The following CACNB4 variants were observed in gnomAD, a reference collection of about 807,000 sequenced individuals.
CACNB4 encodes the protein voltage-dependent L-type calcium channel subunit beta-4.
Under a neutral mutation model 71.2 loss-of-function variants are expected in CACNB4, and 32 were observed. The observed-to-expected ratio is 0.45, with a 90% CI of 0.34 to 0.60. The LOEUF (loss-of-function observed/expected upper bound fraction) is 0.60, where lower values mean the gene tolerates loss of function less well. CACNB4 is among the 20% of genes least tolerant of loss of function. CACNB4 has a pLI of 0.01. For missense variants in CACNB4, 464 were observed against 647.9 expected, an observed-to-expected ratio of 0.72 and a Z score of 3.08; for synonymous variants, 231 against 236.9, an observed-to-expected ratio of 0.97 and a Z score of 0.23.
chr2:151,907,851 G>A (rs969151781), intron 2 of CACNB4, among the ~76,000 whole-genome samples: 1 of 152,168 alleles, frequency 6.6e-6, no homozygotes, highest in African/African-American at 2.4e-5. Flanking sequence ...CCTCATGTGG[G>A]CTGAGAATAT....
chr2:152,085,240 A>C (rs1687592812), intron 2 of CACNB4, among the ~76,000 whole-genome samples: 1 of 151,988 alleles, frequency 6.6e-6, no homozygotes, highest in South Asian at 2.1e-4. Flanking sequence ...GAAGGGGAAC[A>C]CACTGGCATG....
At chr2:151,920,090 C>T (rs564703924) in intron 2 of CACNB4, among the ~76,000 whole-genome samples, 1 of 151,814 alleles carries the variant, frequency 6.6e-6, no homozygotes, top group Non-Finnish European at 1.5e-5. Flanking sequence ...AAGTGTCACA[C>T]CAATTTAGAA....
chr2:151,928,073 A>T (rs188056878), intron 2 of CACNB4, among the ~76,000 whole-genome samples: 280 of 152,328 alleles, frequency 1.8e-3, no homozygotes, highest in Middle Eastern at 0.01. Flanking sequence ...AGGGCTGCAC[A>T]TCAGAGAGAA....
At chr2:151,893,635 A>G (rs1003639939) in intron 2 of CACNB4, among the ~76,000 whole-genome samples, 1 of 152,166 alleles carries the variant, frequency 6.6e-6, no homozygotes, top group Non-Finnish European at 1.5e-5. Context: ...ATATATGTAT[A>G]TAAACACACC....
At chr2:151,930,057 G>A (rs981864566) in intron 2 of CACNB4, among the ~76,000 whole-genome samples, 32 of 152,134 alleles carry the variant, frequency 2.1e-4, no homozygotes, top group African/African-American at 6.7e-4. Flanking sequence ...AAAACTGTCA[G>A]GAAAAAATAA....
At chr2:151,945,025 G>A (rs1029056676) in intron 2 of CACNB4, among the ~76,000 whole-genome samples, 4 of 152,186 alleles carry the variant, frequency 2.6e-5, no homozygotes, top group African/African-American at 9.7e-5. Flanking sequence ...CACAGGAGAT[G>A]GGGTAGGGGT....
intron 2 of CACNB4, among the ~76,000 whole-genome samples, chr2:152,013,938 G>T (rs1034496271): frequency 6.6e-6 from 1 of 152,204 alleles, no homozygotes; most frequent in African/African-American, 2.4e-5. Context: ...CATCTGTTCT[G>T]CAGGTCAGTT....
At chr2:152,066,672 C>G (rs560783662) in intron 2 of CACNB4, among the ~76,000 whole-genome samples, 1 of 150,618 alleles carries the variant, frequency 6.6e-6, no homozygotes, top group Admixed American at 6.8e-5. Flanking sequence ...ATAAATCATG[C>G]TGCTATAAAG....
intron 2 of CACNB4, among the ~76,000 whole-genome samples, chr2:152,081,054 T>A (rs1272768841): frequency 6.6e-6 from 1 of 152,224 alleles, no homozygotes; most frequent in Non-Finnish European, 1.5e-5. Context: ...CTATTTTCTT[T>A]ATAAGTTACC....
intron 6 of CACNB4, chr2:151,871,697 T>C (rs1481680905): frequency 6.6e-6 from 1 of 152,590 alleles, no homozygotes; most frequent in African/African-American, 2.4e-5. Context: ...TAGGCCAGAA[T>C]AGGGCCTTGG....
chr2:151,878,857 G>A (rs775768549), intron 4 of CACNB4, among the ~76,000 whole-genome samples: 2 of 152,092 alleles, frequency 1.3e-5, no homozygotes, highest in Non-Finnish European at 2.9e-5. Flanking sequence ...ACAGCAGTGA[G>A]CTGTGATTGC....
chr2:151,919,850 A>AAAC (rs369127085), intron 2 of CACNB4, among the ~76,000 whole-genome samples: 3,287 of 152,182 alleles, frequency 0.022, 112 homozygotes, highest in African/African-American at 0.075. Flanking sequence ...ACAAACAAAC[A>AAAC]AACAACAACA....
chr2:152,025,414 C>T (rs1176485554), intron 2 of CACNB4, among the ~76,000 whole-genome samples: 1 of 152,204 alleles, frequency 6.6e-6, no homozygotes, highest in Admixed American at 6.5e-5. Flanking sequence ...CTTCAGACAA[C>T]CTTATTCCAG....
intron 2 of CACNB4, chr2:151,969,582 A>G (rs2099871987): frequency 6.6e-6 from 1 of 152,214 alleles, no homozygotes; most frequent in Non-Finnish European, 1.5e-5. Context: ...AGCATTAACC[A>G]TCAATTAGCG....
intron 2 of CACNB4, among the ~76,000 whole-genome samples, chr2:151,887,007 C>A (rs2099849517): frequency 6.6e-6 from 1 of 152,262 alleles, no homozygotes; most frequent in African/African-American, 2.4e-5. Flanking sequence ...AGTGGCCATG[C>A]AAGGCTTAGT....
chr2:152,095,646 ACT>A (rs1428020974), intron 2 of CACNB4, among the ~76,000 whole-genome samples: 2 of 151,916 alleles, frequency 1.3e-5, no homozygotes, highest in East Asian at 3.9e-4. Flanking sequence ...AAATAATGAG[ACT>A]CTGTTTTTGT....
chr2:151,974,221 C>T (rs2099873361), intron 2 of CACNB4, among the ~76,000 whole-genome samples: 1 of 152,172 alleles, frequency 6.6e-6, no homozygotes, highest in African/African-American at 2.4e-5. Context: ...ATTAAATTCA[C>T]AATTGGAGAA....
At chr2:151,885,105 C>A (rs918396633) in intron 2 of CACNB4, among the ~76,000 whole-genome samples, 16 of 152,180 alleles carry the variant, frequency 1.1e-4, no homozygotes, top group African/African-American at 3.6e-4. Context: ...ATTTTCCTGG[C>A]AGCCTAGAAC....
chr2:151,878,387 T>C (rs2151436625), intron 4 of CACNB4, among the ~76,000 whole-genome samples: 1 of 152,256 alleles, frequency 6.6e-6, no homozygotes, highest in Non-Finnish European at 1.5e-5. Context: ...ATGCATACTA[T>C]ATGAGTGGCA....
Sources: gnomAD v4.1 joint callset for allele counts (sites outside exome capture counted in the v4.1 genomes callset) on GRCh38, gnomAD v4.1.1 for gene constraint, MANE v1.5 for transcripts, NCBI Gene and HGNC (gene_info 2026-07-23, HGNC 2026-07-21) for gene names.